The following ADAMTS13 variants were observed in gnomAD, a reference collection of about 807,000 sequenced individuals.
The protein encoded by ADAMTS13 is ADAM metallopeptidase with thrombospondin type 1 motif 13.
A neutral mutation model predicts 155.1 loss-of-function variants in ADAMTS13; 110 were observed. The ratio of observed to expected loss-of-function variants is 0.71; its 90% CI spans 0.61 to 0.83. The LOEUF is 0.83. Among genes scored for constraint, ADAMTS13 ranks in the 40% least tolerant of loss-of-function variants. The pLI is 0.00. For synonymous variants in ADAMTS13, 758 were observed against 756.4 expected (o/e 1.00, Z -0.03); for missense variants, 1,707 against 1,891.7 (o/e 0.90, Z 1.81).
intron 28 of ADAMTS13, 98 bp downstream of exon 28, chr9:133,458,192 C>T (rs1554796757): frequency 7.2e-7 from 1 of 1,383,274 alleles, no homozygotes; most frequent in Non-Finnish European, 9.9e-7. Flanking sequence ...CAGACTAAAA[C>T]CCTCAAAATC....
upstream of ADAMTS13, among the ~76,000 whole-genome samples, chr9:133,420,137 C>G (rs1839898141): frequency 6.6e-6 from 1 of 152,238 alleles, no homozygotes; most frequent in African/African-American, 2.4e-5. Flanking sequence ...CTCCAGACAT[C>G]AGGTGATCCT....
intron 19 of ADAMTS13, 29 bp downstream of exon 19, chr9:133,443,590 G>T: frequency 6.6e-7 from 1 of 1,520,316 alleles, no homozygotes; most frequent in East Asian, 2.5e-5. Context: ...GGGGCTGGGA[G>T]AGGGCCTTCC....
chr9:133,456,602 G>A lies in ADAMTS13; in HGVS notation c.3607G>A (p.Asp1203Asn). 2 of 1,613,304 alleles carry A rather than the reference G, an allele frequency of 1.2e-6. No individual in the cohort carries two copies. The highest frequency in any genetic ancestry group is 1.7e-6 in the Non-Finnish European group (2 of 1,179,882). ...GAGGAAGATGTGCAGGAAGCTGTTG[G>A]ACATGACTTTCAGCTCCAAGACCAA... is the stretch of plus-strand genomic sequence containing the variant. The part of the protein sequence containing the change: ...TWRKMCRKLL[D>N]MTFSSKTNTL... Residue 1203 changes from aspartate to asparagine, a missense_variant, in exon 27 of 29, where the codon GAC becomes AAC. By Grantham distance (23) the Asp-to-Asn change is conservative. Transcript: ENST00000355699. This position sits in a 1 kb window ranked among gnomAD's most constrained non-coding sequence, Gnocchi z 4.4.
intron 8 of ADAMTS13, among the ~76,000 whole-genome samples, chr9:133,432,158 G>A (rs941027813): frequency 1.3e-5 from 2 of 152,110 alleles, no homozygotes; most frequent in African/African-American, 4.8e-5. Context: ...CCAGCTACTC[G>A]GAAGGCTGAG....
chr9:133,457,693 G>A (rs1251384833), intron 27 of ADAMTS13, among the ~76,000 whole-genome samples: 1 of 152,230 alleles, frequency 6.6e-6, no homozygotes, highest in African/African-American at 2.4e-5. Context: ...GTTTCCTTCA[G>A]TTACAGAGGA....
Position 133,442,290 on chromosome 9 carries a change from A to G in ADAMTS13, c.1969-109A>G. 2.6e-6 allele frequency: 4 copies of G among 1,561,960 alleles called. 1 individual carries two copies. In the South Asian group the frequency reaches 4.5e-5, roughly 17 times the overall value. ...CTGGCCAGTGATTGCTTGCTGAACG[A>G]AAGATTATAGGGATGCAAGAAGAAG... is the stretch of plus-strand genomic sequence containing the variant. On this transcript the variant is annotated intron_variant, in intron 16 of 28. Transcript: ENST00000355699.
intron 8 of ADAMTS13, among the ~76,000 whole-genome samples, chr9:133,431,966 A>C (rs1840802349): frequency 1.3e-5 from 2 of 151,962 alleles, no homozygotes; most frequent in Admixed American, 6.6e-5. Context: ...TTTCCTTCTG[A>C]TTTTAAAAGA....
chr9:133,417,631 C>G, upstream of ADAMTS13: 1 of 1,613,796 alleles, frequency 6.2e-7, no homozygotes, highest in Non-Finnish European at 8.5e-7. Context: ...TCTTGCAGCG[C>G]CTTCCAGTTT....
Position 133,444,901 on chromosome 9 carries a change from G to A in ADAMTS13, c.2459G>A (p.Gly820Asp), listed in dbSNP as rs1841950279. Reference protein sequence around the residue: ...VSEPSSCTSAGGAGLALENET... With the variant: ...VSEPSSCTSADGAGLALENET... ...GAGCCCAGCTCATGCACATCAGCTG[G>A]TGGAGCAGGCCTGGCCTTGGAGAAC... The change falls in exon 20 of 29, where the codon GGT becomes GAT. Residue 820 changes from glycine (G) to aspartate (D), a missense_variant. Transcript: ENST00000355699. 1 of 1,613,182 alleles carries A rather than the reference G, an allele frequency of 6.2e-7. No individual in the cohort carries two copies. The highest frequency in any genetic ancestry group is 1.1e-5 in the South Asian group (1 of 91,090).
rs587651559 is a variant in ADAMTS13 at position 133,458,811 on chromosome 9, T to A, written c.3910-163T>A. Among the ~76,000 whole-genome samples, 5 of 152,300 alleles carry A rather than the reference T, an allele frequency of 3.3e-5. No homozygotes were observed. In the South Asian group the frequency reaches 1.0e-3, roughly 32 times the overall value. On this transcript the variant is annotated intron_variant, in intron 28 of 28. Coordinates refer to ENST00000355699, the MANE Select transcript of ADAMTS13 (RefSeq NM_139027.6). ...GTGTCCTTGGGGAAGTGATGTAACG[T>A]CCCTGGACCTCGGTTTTCTGGGTAG...
At position 133,459,134 on chromosome 9, in the gene ADAMTS13, C is replaced by T. The variant is rs1554797168; in HGVS notation, c.4070C>T (p.Pro1357Leu). 2.5e-6 allele frequency: 4 copies of T among 1,612,620 alleles called. No individual in the cohort carries two copies. The South Asian group carries it at 3.3e-5, about 13-fold the overall frequency. The change falls in exon 29 of 29, where the codon CCG (proline) becomes CTG (leucine). Residue 1357 changes from proline to leucine, a missense_variant. This residue lies in a region of ADAMTS13 where 961 missense variants were observed against 1,107.9 expected (regional missense o/e 0.87). Coordinates refer to ENST00000355699, the MANE Select transcript of ADAMTS13 (RefSeq NM_139027.6). ...TACTGGACCCTCCAATCATGGGTACCGGAGATGCAGGACCCTCAGTCCTGG... is the reference window on the plus strand; with the variant it reads ...TACTGGACCCTCCAATCATGGGTACTGGAGATGCAGGACCCTCAGTCCTGG... ...GQYWTLQSWV[P>L]EMQDPQSWKG...
chr9:133,430,108 C>T lies in ADAMTS13; in HGVS notation c.987+7C>T, dbSNP rs782031676. ...CTTCGCCAGGGAGCACCTGGTGAGT[C>T]TGCCGGCGGTGGCCTGGGATTGGCT... On this transcript the variant is annotated splice_region_variant and intron_variant, in intron 8 of 28. Transcript: ENST00000355699. 2.5e-6 allele frequency: 4 copies of T among 1,576,286 alleles called. No homozygotes were observed. In the East Asian group the frequency reaches 9.1e-5, roughly 36 times the overall value.
chr9:133,424,410 G>T lies in ADAMTS13; in HGVS notation c.262G>T (p.Val88Leu), dbSNP rs281875302. 1 of 1,613,586 alleles carries T rather than the reference G, an allele frequency of 6.2e-7. No homozygotes were observed. Among genetic ancestry groups the T allele is most frequent in the African/African-American group, 1.3e-5 (1 of 74,892 alleles). Residue 88 changes from valine (V) to leucine (L), a missense_variant, in exon 3 of 29, where the codon GTG (valine) becomes TTG (leucine). Val to Leu is a conservative substitution (Grantham distance 32). Around this residue, in one of 3 missense-constraint regions of ADAMTS13, gnomAD observed 733 missense variants for 749.6 expected, o/e 0.98. Coordinates refer to ENST00000355699, the MANE Select transcript of ADAMTS13 (RefSeq NM_139027.6). This position sits in a 1 kb window ranked among gnomAD's most constrained non-coding sequence, Gnocchi z 4.3. ...GILHLELLVAVGPDVFQAHQE... is the reference protein window; with the variant it reads ...GILHLELLVALGPDVFQAHQE... ...CCTACACCTGGAGCTGCTGGTGGCC[G>T]TGGGCCCCGATGTCTTCCAGGCTCA...
intron 7 of ADAMTS13, among the ~76,000 whole-genome samples, chr9:133,429,131 C>T (rs1840515824): frequency 6.8e-6 from 1 of 147,426 alleles, no homozygotes; most frequent in Non-Finnish European, 1.5e-5. Context: ...CCCGCTGCGC[C>T]CACTCCTGCG....
intron 1 of ADAMTS13, 73 bp from the exon 2 acceptor site, chr9:133,423,028 G>A (rs372984062): frequency 1.9e-5 from 25 of 1,348,062 alleles, no homozygotes; most frequent in Non-Finnish European, 2.5e-5. Flanking sequence ...CTCCCACCTC[G>A]GTCTCCCCAA....
In ADAMTS13 at chr9:133,456,998, C is replaced by A. The variant is rs189847686; in HGVS notation, c.3724+279C>A. 149 of 553,956 alleles carry A rather than the reference C, an allele frequency of 2.7e-4. No individual in the cohort carries two copies. The highest frequency in any genetic ancestry group is 2.5e-3 in the African/African-American group (133 of 53,876). 34.3% of individuals were successfully genotyped at this position (553,956 alleles called of 1,614,324 possible). A position where few individuals can be genotyped will look rare whatever the true frequency, so the allele number is the denominator to read the frequency against. On this transcript the variant is annotated intron_variant, in intron 27 of 28. Transcript: ENST00000355699. The surrounding 1 kb of genome is among the most constrained non-coding windows in gnomAD (Gnocchi z 4.4). ...TCAGTCAGTCCCTCAGGCCTCTGCC[C>A]CACACCCACCTGCCCCGCCCCCACC...
In ADAMTS13 at chr9:133,441,524, T is replaced by C. The variant is rs1483360908; in HGVS notation, c.1969-875T>C. On this transcript the variant is annotated intron_variant, in intron 16 of 28. Transcript: ENST00000355699. The surrounding 1 kb of genome is among the most constrained non-coding windows in gnomAD (Gnocchi z 5.0). ...AACCGCACCGTAACCAACACAGGCTTGCGGCACTGGCCAGATGTGGGCATC... is the reference window on the plus strand; with the variant it reads ...AACCGCACCGTAACCAACACAGGCTCGCGGCACTGGCCAGATGTGGGCATC... Among the ~76,000 whole-genome samples, 1 of 152,160 alleles carries C rather than the reference T, an allele frequency of 6.6e-6. No homozygotes were observed. The highest frequency in any genetic ancestry group is 2.4e-5 in the African/African-American group (1 of 41,426).
chr9:133,457,815 C>T, intron 27 of ADAMTS13, 95 bp from the exon 28 acceptor site: 2 of 1,507,312 alleles, frequency 1.3e-6, no homozygotes, highest in South Asian at 1.1e-5. Flanking sequence ...ACCACAGTGC[C>T]ATGCTGCCCT....
At chr9:133,417,597 GCCCGGGC>G (rs782384052), upstream of ADAMTS13, 1 of 1,608,830 alleles carries the variant, frequency 6.2e-7, no homozygotes, top group African/African-American at 1.3e-5. Flanking sequence ...GCAGCGCTCC[GCCCGGGC>G]CCCCTCAAGC....
Sources: allele counts gnomAD v4.1 joint callset (sites outside exome capture counted in the v4.1 genomes callset), GRCh38; gene constraint gnomAD v4.1.1; regional missense constraint gnomAD v4.1.1; non-coding constraint Gnocchi (gnomAD v3.1); transcripts MANE v1.5; gene names NCBI Gene and HGNC (gene_info 2026-07-23, HGNC 2026-07-21).